The following ZC3H7A variants were observed in gnomAD, a reference collection of about 807,000 sequenced individuals.
ZC3H7A encodes the protein zinc finger CCCH-type containing 7A.
A neutral mutation model predicts 125.5 loss-of-function variants in ZC3H7A; 44 were observed. That is an observed-to-expected ratio of 0.35 (90% CI 0.28 to 0.45). The LOEUF (loss-of-function observed/expected upper bound fraction) is 0.45. Among genes scored for constraint, ZC3H7A ranks in the 20% least tolerant of loss-of-function variants. ZC3H7A has a pLI of 1.00. For synonymous variants in ZC3H7A, 399 were observed against 391.2 expected (o/e 1.02, Z -0.23); for missense variants, 977 against 1,170.7 (o/e 0.83, Z 2.41).
chr16:11,783,107 C>T (rs1173186128), intron 1 of ZC3H7A: 1 of 152,078 alleles, frequency 6.6e-6, no homozygotes, highest in Non-Finnish European at 1.5e-5. Context: ...TCTGGAAGCT[C>T]TCCAGAAATA....
rs780705262 is a variant in ZC3H7A, at chr16:11,770,957, T to C, written c.934A>G (p.Thr312Ala). ...PSALVRGPLQ[T>A]ASVSPSMPFS... ...GGCATGCTAGGAGAGACACTGGCTG[T>C]CTGAAGGGGTCCTCTGACTAAAGCT... The change falls in exon 10 of 23, where the codon ACA becomes GCA. Residue 312 changes from threonine (T) to alanine (A), a missense_variant. By Grantham distance (58) the Thr-to-Ala change is moderately conservative. Around this residue, in one of 3 missense-constraint regions of ZC3H7A, gnomAD observed 342 missense variants for 311.3 expected, o/e 1.10. Transcript: ENST00000355758. The C allele has an allele frequency of 4.3e-6, 7 of 1,611,808 alleles. No homozygotes were observed. The Admixed American group carries it at 8.4e-5, about 19-fold the overall frequency.
At chr16:11,780,417 G>A (rs1002542092) in intron 3 of ZC3H7A, among the ~76,000 whole-genome samples, 2 of 151,972 alleles carry the variant, frequency 1.3e-5, no homozygotes, top group African/African-American at 4.8e-5. Context: ...CACCACGCCT[G>A]GCCATAATTT....
At chr16:11,788,582 T>A (rs944376806) in intron 1 of ZC3H7A, among the ~76,000 whole-genome samples, 1 of 151,138 alleles carries the variant, frequency 6.6e-6, no homozygotes, top group Non-Finnish European at 1.5e-5. Flanking sequence ...CTCAGAAAAG[T>A]CCAGACAAAT....
At chr16:11,755,539 G>A (rs772079018) in intron 21 of ZC3H7A, among the ~76,000 whole-genome samples, 57 of 152,086 alleles carry the variant, frequency 3.7e-4, no homozygotes, top group Non-Finnish European at 6.5e-4. Context: ...GGGAATGTAA[G>A]GTCCAGCGGG....
intron 13 of ZC3H7A, among the ~76,000 whole-genome samples, chr16:11,766,082 G>T (rs2052852411): frequency 6.6e-6 from 1 of 150,816 alleles, no homozygotes; most frequent in Non-Finnish European, 1.5e-5. Flanking sequence ...ATTCTCTCAT[G>T]GACCACACCT....
At chr16:11,754,209 C>G (rs1328007740) in intron 21 of ZC3H7A, among the ~76,000 whole-genome samples, 3 of 147,362 alleles carry the variant, frequency 2.0e-5, no homozygotes, top group Non-Finnish European at 4.5e-5. Flanking sequence ...GGAGGATCAC[C>G]TGAGCCCAGG....
intron 4 of ZC3H7A, among the ~76,000 whole-genome samples, chr16:11,778,483 AAG>A (rs2053121419): frequency 6.6e-6 from 1 of 150,844 alleles, no homozygotes. Flanking sequence ...GTTTTTTACC[AAG>A]AGTGTTTTAC....
At chr16:11,764,669 C>T (rs1438646638) in intron 15 of ZC3H7A, among the ~76,000 whole-genome samples, 1 of 152,098 alleles carries the variant, frequency 6.6e-6, no homozygotes, top group Non-Finnish European at 1.5e-5. Flanking sequence ...TTGCAGTGAG[C>T]CAAGATCATG....
At position 11,762,791 on chromosome 16, in the gene ZC3H7A, C is replaced by A. The variant is rs374660230; in HGVS notation, c.2003-44G>T. The A allele has an allele frequency of 2.1e-4, 333 of 1,592,016 alleles. 1 individual carries two copies. Among genetic ancestry groups the A allele is most frequent in the Non-Finnish European group, 2.8e-4 (321 of 1,163,910 alleles). ...TTCCTTTAAATTATATCTATAAGAA[C>A]AACAGCCCACCAATCTGGGTGCAGT... On this transcript the variant is annotated intron_variant, in intron 16 of 22. Transcript: ENST00000355758.
At chr16:11,790,360 G>A (rs1477946004) in intron 1 of ZC3H7A, among the ~76,000 whole-genome samples, 1 of 152,194 alleles carries the variant, frequency 6.6e-6, no homozygotes, top group South Asian at 2.1e-4. Flanking sequence ...TTCCTTGTCT[G>A]TGAATTGTTT....
At chr16:11,784,459 C>T (rs1367126926) in intron 1 of ZC3H7A, among the ~76,000 whole-genome samples, 1 of 152,178 alleles carries the variant, frequency 6.6e-6, no homozygotes, top group African/African-American at 2.4e-5. Context: ...TAGCTCACAC[C>T]TGTAATCCCA....
chr16:11,756,517 T>G (rs771523816), intron 20 of ZC3H7A, 147 bp from the exon 21 acceptor site: 5 of 1,014,226 alleles, frequency 4.9e-6, no homozygotes, highest in Non-Finnish European at 7.0e-6. Context: ...CATGGAGAGA[T>G]CACCCAGTTC....
At chr16:11,779,779 G>C (rs1220801032) in intron 3 of ZC3H7A, among the ~76,000 whole-genome samples, 2 of 152,066 alleles carry the variant, frequency 1.3e-5, no homozygotes, top group Non-Finnish European at 2.9e-5. Flanking sequence ...TACACACTAG[G>C]TAGTGTGTGT....
chr16:11,776,235 C>A, intron 7 of ZC3H7A, 85 bp downstream of exon 7: 1 of 1,371,018 alleles, frequency 7.3e-7, no homozygotes, highest in African/African-American at 1.5e-5. Context: ...CAAAAATAAA[C>A]ACACACCAAA....
chr16:11,782,193 A>G, intron 2 of ZC3H7A, 94 bp downstream of exon 2: 2 of 1,408,222 alleles, frequency 1.4e-6, no homozygotes, highest in Admixed American at 3.6e-5. Flanking sequence ...TGGACCTATT[A>G]AACATGACTA....
At chr16:11,783,567 AG>A (rs1171434004) in intron 1 of ZC3H7A, among the ~76,000 whole-genome samples, 1 of 152,044 alleles carries the variant, frequency 6.6e-6, no homozygotes, top group Non-Finnish European at 1.5e-5. Flanking sequence ...CACAACCAAA[AG>A]TGTCTCCAGA....
chr16:11,755,845 C>T (rs1373838125), intron 21 of ZC3H7A, among the ~76,000 whole-genome samples: 1 of 152,012 alleles, frequency 6.6e-6, no homozygotes, highest in Non-Finnish European at 1.5e-5. Context: ...CAGTGAGTGA[C>T]GGAGCCGGGT....
intron 7 of ZC3H7A, among the ~76,000 whole-genome samples, chr16:11,775,288 T>G (rs2053060149): frequency 6.6e-6 from 1 of 151,884 alleles, no homozygotes; most frequent in African/African-American, 2.4e-5. Flanking sequence ...AGAGAACTGC[T>G]TGAACCCGGG....
At chr16:11,781,261 T>C (rs1457803248) in intron 3 of ZC3H7A, among the ~76,000 whole-genome samples, 164 bp downstream of exon 3, 1 of 152,064 alleles carries the variant, frequency 6.6e-6, no homozygotes, top group Non-Finnish European at 1.5e-5. Flanking sequence ...GTGGCTGTGT[T>C]CCAATAAAGC....
Sources: gnomAD v4.1 joint callset for allele counts (sites outside exome capture counted in the v4.1 genomes callset) on GRCh38, gnomAD v4.1.1 for gene constraint, gnomAD v4.1.1 regional missense constraint, MANE v1.5 for transcripts, NCBI Gene and HGNC (gene_info 2026-07-23, HGNC 2026-07-21) for gene names.